MRPL45: variants seen among roughly 807,000 people sequenced by gnomAD.
MRPL45 encodes mitochondrial ribosomal protein L45.
In MRPL45, 20 loss-of-function variants were observed where a neutral mutation model predicts 38.1. That is an observed-to-expected ratio of 0.53 (90% CI 0.37 to 0.76). The LOEUF (loss-of-function observed/expected upper bound fraction) is 0.76. MRPL45 is among the 30% of genes least tolerant of loss of function. The pLI is 0.00. For missense variants in MRPL45, 337 were observed against 395.6 expected (o/e 0.85, Z 1.26); for synonymous variants, 105 against 128.8 (o/e 0.82, Z 1.25).
chr17:38,314,654 T>C (rs1344301737), intron 4 of MRPL45, among the ~76,000 whole-genome samples: 1 of 152,198 alleles, frequency 6.6e-6, no homozygotes, highest in Non-Finnish European at 1.5e-5. Context: ...GTGAAAACTA[T>C]GTGATGTTTT....
At chr17:38,310,275 T>A (rs1212175801) in intron 4 of MRPL45, among the ~76,000 whole-genome samples, 1 of 151,760 alleles carries the variant, frequency 6.6e-6, no homozygotes, top group African/African-American at 2.4e-5. Flanking sequence ...CCATTTTCTC[T>A]TGTCTTATTT....
intron 3 of MRPL45, among the ~76,000 whole-genome samples, chr17:38,300,729 C>T (rs1013234206): frequency 1.3e-5 from 2 of 151,982 alleles, no homozygotes; most frequent in Non-Finnish European, 2.9e-5. Flanking sequence ...GGCGGATCAC[C>T]TGAGGTCAGG....
intron 3 of MRPL45, among the ~76,000 whole-genome samples, chr17:38,300,218 A>ATG (rs1281110728): frequency 1.3e-5 from 2 of 151,792 alleles, no homozygotes; most frequent in Non-Finnish European, 2.9e-5. Context: ...GGGTTTCACC[A>ATG]TGTTGGCCAA....
chr17:38,313,381 TATAC>T (rs1405664002), intron 4 of MRPL45, among the ~76,000 whole-genome samples: 5 of 23,476 alleles, frequency 2.1e-4, no homozygotes, highest in Admixed American at 6.1e-4. Context: ...TATATATATA[TATAC>T]ATATATATAT....
intron 4 of MRPL45, among the ~76,000 whole-genome samples, chr17:38,313,311 A>AATATAT (rs544918215): frequency 1.3e-4 from 1 of 7,864 alleles, no homozygotes; most frequent in Non-Finnish European, 2.3e-4. Flanking sequence ...AAAAAAAAAA[A>AATATAT]ATATATATAT....
chr17:38,301,266 A>T (rs183069178), intron 3 of MRPL45, among the ~76,000 whole-genome samples: 209 of 149,926 alleles, frequency 1.4e-3, no homozygotes, highest in African/African-American at 5.0e-3. Flanking sequence ...TTTGAGATGG[A>T]GTTTTACTCT....
intron 4 of MRPL45, among the ~76,000 whole-genome samples, chr17:38,317,083 A>C (rs984391647): frequency 1.3e-5 from 2 of 152,198 alleles, no homozygotes; most frequent in Non-Finnish European, 2.9e-5. Flanking sequence ...GGCATGAGCC[A>C]CCGCACCCGG....
chr17:38,303,694 G>A (rs958687288), intron 3 of MRPL45, among the ~76,000 whole-genome samples: 1 of 151,612 alleles, frequency 6.6e-6, no homozygotes, highest in Non-Finnish European at 1.5e-5. Context: ...CCAACTGTAC[G>A]TCTTAGGATC....
Position 38,320,743 on chromosome 17 carries a change from C to T in MRPL45, c.636C>T (p.Ile212=). The T allele has an allele frequency of 6.2e-7, 1 of 1,614,124 alleles. No individual in the cohort carries two copies. The highest frequency in any genetic ancestry group is 8.5e-7 in the Non-Finnish European group (1 of 1,180,028). ...MMNQGNVYGQ[I]TVRMHTRQTL... is the part of the protein sequence containing the mutation. ...ACCAGGGCAACGTGTACGGCCAGATCACCGTACGCATGCACACCCGGCAGG... is the reference window on the plus strand; with the variant it reads ...ACCAGGGCAACGTGTACGGCCAGATTACCGTACGCATGCACACCCGGCAGG... The change falls in exon 6 of 8, where the codon ATC becomes ATT. Residue 212 remains isoleucine, a synonymous_variant. Transcript: ENST00000613675.
intron 4 of MRPL45, among the ~76,000 whole-genome samples, chr17:38,314,078 A>G (rs1446621456): frequency 6.6e-6 from 1 of 152,018 alleles, no homozygotes. Flanking sequence ...ATTTCCCCCC[A>G]TTTTATGGTT....
At chr17:38,321,182 C>T (rs2037226236) in intron 6 of MRPL45, among the ~76,000 whole-genome samples, 1 of 152,018 alleles carries the variant, frequency 6.6e-6, no homozygotes, top group African/African-American at 2.4e-5. Flanking sequence ...GTCATTTTGC[C>T]CAAGCTGGTC....
chr17:38,312,945 C>G (rs572131713), intron 4 of MRPL45, among the ~76,000 whole-genome samples: 2 of 149,554 alleles, frequency 1.3e-5, no homozygotes, highest in Non-Finnish European at 3.0e-5. Flanking sequence ...TCCAGTTTCT[C>G]TACATCCTCA....
In MRPL45 at chr17:38,299,139, C is replaced by T. The variant is rs1315581379; in HGVS notation, c.245-212C>T. 2.6e-5 allele frequency among the ~76,000 whole-genome samples: 4 copies of T among 152,118 alleles called. No individual in the cohort carries two copies. In the East Asian group the frequency reaches 5.8e-4, roughly 22 times the overall value. ...TCCTGACTTTGTGATCCGCCCGCCT[C>T]GGCCTCCCAAAGTACTGGGATTACA... On this transcript the variant is annotated intron_variant, in intron 2 of 7. Transcript: ENST00000613675.
chr17:38,309,913 CAT>C (rs1159979507), intron 4 of MRPL45, among the ~76,000 whole-genome samples: 4 of 152,118 alleles, frequency 2.6e-5, no homozygotes, highest in African/African-American at 7.2e-5. Flanking sequence ...TCTGAATACA[CAT>C]ATGTTAGATC....
intron 4 of MRPL45, among the ~76,000 whole-genome samples, chr17:38,317,800 C>G (rs2037189644): frequency 6.6e-6 from 1 of 151,660 alleles, no homozygotes; most frequent in Non-Finnish European, 1.5e-5. Flanking sequence ...GTCTCGATCT[C>G]CTGACCTCAT....
chr17:38,308,738 C>T (rs1223109333), intron 4 of MRPL45, among the ~76,000 whole-genome samples: 2 of 151,768 alleles, frequency 1.3e-5, no homozygotes, highest in African/African-American at 2.4e-5. Flanking sequence ...ACGCGCCCGG[C>T]CTAATTTTTG....
chr17:38,309,132 C>T (rs1263157578), intron 4 of MRPL45, among the ~76,000 whole-genome samples: 1 of 149,638 alleles, frequency 6.7e-6, no homozygotes, highest in Admixed American at 6.7e-5. Context: ...GTCTCGAACT[C>T]CTGACCTTGT....
chr17:38,297,752 A>G (rs1200105035), intron 1 of MRPL45, among the ~76,000 whole-genome samples: 1 of 152,144 alleles, frequency 6.6e-6, no homozygotes, highest in Non-Finnish European at 1.5e-5. Context: ...GCAAAATATC[A>G]CGAGTACATA....
rs1567714428 is a variant in MRPL45, at chr17:38,306,647, A to G, written c.461+16A>G. Reference sequence around the variant, plus strand: ...GTCTAAATAAGTAAGTGAACTCCCTATCTTTACCCATTCTGTTCTCAGCAG... The same window carrying G: ...GTCTAAATAAGTAAGTGAACTCCCTGTCTTTACCCATTCTGTTCTCAGCAG... On this transcript the variant is annotated intron_variant, in intron 4 of 7. Transcript: ENST00000613675. 1 of 1,613,326 alleles carries G rather than the reference A, an allele frequency of 6.2e-7. No homozygotes were observed. Among genetic ancestry groups the G allele is most frequent in the Non-Finnish European group, 8.5e-7 (1 of 1,179,756 alleles).
Sources: gnomAD v4.1 joint callset for allele counts (sites outside exome capture counted in the v4.1 genomes callset) on GRCh38, gnomAD v4.1.1 for gene constraint, MANE v1.5 for transcripts, NCBI Gene and HGNC (gene_info 2026-07-23, HGNC 2026-07-21) for gene names.